Variants in HPSE2 observed in about 807,000 individuals in gnomAD.
HPSE2 encodes heparanase 2 (inactive).
HPSE2 carries 38 observed loss-of-function variants against 60.5 expected under a neutral mutation model. The ratio of observed to expected loss-of-function variants is 0.63; its 90% CI spans 0.48 to 0.82. The LOEUF is 0.82. Among genes scored for constraint, HPSE2 ranks in the 40% least tolerant of loss-of-function variants. The probability of loss-of-function intolerance (pLI) is 0.00; values close to 1 mark genes in which losing one functional copy is unlikely to be tolerated. For missense variants in HPSE2, 713 were observed against 740.4 expected, an observed-to-expected ratio of 0.96 and a Z score of 0.43; for synonymous variants, 295 against 293.2, an observed-to-expected ratio of 1.01 and a Z score of -0.06.
chr10:99,288,806 G>A, the HPSE2 span, among the ~76,000 whole-genome samples: 1 of 147,680 alleles, frequency 6.8e-6, no homozygotes, highest in African/African-American at 2.5e-5. Context: ...TGAGTGAATT[G>A]AGGAAACATA....
At chr10:98,541,323 A>G (rs1055809210) in intron 9 of HPSE2, among the ~76,000 whole-genome samples, 3 of 152,224 alleles carry the variant, frequency 2.0e-5, no homozygotes, top group Admixed American at 2.0e-4. Context: ...CTTAAAAAAA[A>G]ACTCGGGGGA....
intron 6 of HPSE2, among the ~76,000 whole-genome samples, chr10:98,644,723 C>T (rs1437076859): frequency 6.6e-6 from 1 of 152,202 alleles, no homozygotes; most frequent in African/African-American, 2.4e-5. Flanking sequence ...CCTGTTACTT[C>T]CTCTCAATGG....
At chr10:98,818,548 T>C (rs1008039476) in intron 3 of HPSE2, among the ~76,000 whole-genome samples, 2 of 152,146 alleles carry the variant, frequency 1.3e-5, no homozygotes, top group African/African-American at 4.8e-5. Context: ...TACCCCTCTG[T>C]GGCCCAGGTG....
rs953586002 is a variant in HPSE2 at position 98,929,765 on chromosome 10, G to A, written c.611-185709C>T. Among the ~76,000 whole-genome samples the A allele has an allele frequency of 4.2e-5, 6 of 143,994 alleles. 3 individuals carry two copies. Among genetic ancestry groups the A allele is most frequent in the African/African-American group, 1.7e-4 (6 of 35,526 alleles). The allele number at this position is 143,994 out of a possible 152,430, so 94.5% of individuals were successfully genotyped here. ...GAAAAATCAGCCTAAGTTTGTGTTT[G>A]TTTAAAACAAACAGCCCATGAGCTG... On this transcript the variant is annotated intron_variant, in intron 3 of 11. Coordinates refer to ENST00000370552, the MANE Select transcript of HPSE2 (RefSeq NM_021828.5).
chr10:99,009,528 G>A (rs574265688), intron 3 of HPSE2, among the ~76,000 whole-genome samples: 1 of 152,302 alleles, frequency 6.6e-6, no homozygotes, highest in South Asian at 2.1e-4. Flanking sequence ...CCACCATCTG[G>A]AAGTACTGAT....
chr10:99,036,057 A>T (rs563973976), intron 3 of HPSE2, among the ~76,000 whole-genome samples: 40 of 151,612 alleles, frequency 2.6e-4, no homozygotes, highest in South Asian at 6.2e-4. Flanking sequence ...CAAAAAAAAA[A>T]TTTTTTTTTA....
At chr10:98,983,289 T>C (rs980152446) in intron 3 of HPSE2, among the ~76,000 whole-genome samples, 1 of 152,208 alleles carries the variant, frequency 6.6e-6, no homozygotes, top group South Asian at 2.1e-4. Flanking sequence ...TCTAACTAGA[T>C]GGTCCCATCT....
At chr10:99,263,066 C>G in the HPSE2 span, among the ~76,000 whole-genome samples, 1 of 152,130 alleles carries the variant, frequency 6.6e-6, no homozygotes, top group South Asian at 2.1e-4. Context: ...TAAGCTGGCT[C>G]CCACATTATT....
chr10:99,073,989 A>G (rs1472518755), intron 3 of HPSE2, among the ~76,000 whole-genome samples: 1 of 146,860 alleles, frequency 6.8e-6, no homozygotes, highest in Non-Finnish European at 1.5e-5. Flanking sequence ...TACATGTAAG[A>G]TAATGTCATC....
At chr10:99,241,370 A>G in the HPSE2 span, among the ~76,000 whole-genome samples, 1 of 152,230 alleles carries the variant, frequency 6.6e-6, no homozygotes, top group Admixed American at 6.5e-5. Context: ...AATGGTTCTA[A>G]GCCTCAGCTG....
chr10:98,811,304 T>C (rs1190242542), intron 3 of HPSE2, among the ~76,000 whole-genome samples: 2 of 152,164 alleles, frequency 1.3e-5, no homozygotes, highest in Admixed American at 6.6e-5. Flanking sequence ...TTACAGAGTT[T>C]TGTAAAAAGT....
rs1940165843 is a variant in HPSE2 at position 98,459,038 on chromosome 10, A to C, written c.*536T>G. ...CAGCTCTCCCAGCAGGCCAGGGCTGACACACCCATTACTCCCCTATGGAAA... is the reference window on the plus strand; with the variant it reads ...CAGCTCTCCCAGCAGGCCAGGGCTGCCACACCCATTACTCCCCTATGGAAA... On this transcript the variant is annotated 3_prime_UTR_variant, in exon 12 of 12. Coordinates refer to ENST00000370552, the MANE Select transcript of HPSE2 (RefSeq NM_021828.5). 1 of 185,894 alleles carries C rather than the reference A, an allele frequency of 5.4e-6. No individual in the cohort carries two copies. Among genetic ancestry groups the C allele is most frequent in the Non-Finnish European group, 1.1e-5 (1 of 87,690 alleles). 11.5% of individuals were successfully genotyped at this position (185,894 alleles called of 1,614,324 possible). A position where few individuals can be genotyped will look rare whatever the true frequency, so the allele number is the denominator to read the frequency against.
intron 3 of HPSE2, among the ~76,000 whole-genome samples, chr10:98,996,134 T>C (rs1158969160): frequency 2.6e-5 from 4 of 152,166 alleles, no homozygotes; most frequent in African/African-American, 9.6e-5. Flanking sequence ...AATCTACAGA[T>C]TGGTTAATGA....
chr10:99,244,078 C>T, the HPSE2 span, among the ~76,000 whole-genome samples: 1 of 152,098 alleles, frequency 6.6e-6, no homozygotes, highest in African/African-American at 2.4e-5. Flanking sequence ...GACAGAGTCT[C>T]GCTCTGTCAC....
intron 3 of HPSE2, among the ~76,000 whole-genome samples, chr10:99,050,863 G>A (rs1360829952): frequency 1.3e-5 from 2 of 152,160 alleles, no homozygotes; most frequent in African/African-American, 4.8e-5. Context: ...ATAAGGAGAT[G>A]TTAGTCAAAC....
Position 98,516,460 on chromosome 10 carries a change from G to C in HPSE2, c.1321-26264C>G, listed in dbSNP as rs540145025. Among the ~76,000 whole-genome samples the C allele has an allele frequency of 3.8e-3, 572 of 152,292 alleles. 4 individuals carry two copies. Among genetic ancestry groups the C allele is most frequent in the Non-Finnish European group, 6.7e-3 (453 of 68,028 alleles). Reference sequence around the variant, plus strand: ...AACGTTGCCAGAATTAAAAGTGCCTGATGAAATGGGTAAAATGTCAGTATG... The same window carrying C: ...AACGTTGCCAGAATTAAAAGTGCCTCATGAAATGGGTAAAATGTCAGTATG... On this transcript the variant is annotated intron_variant, in intron 9 of 11. Coordinates refer to ENST00000370552, the MANE Select transcript of HPSE2 (RefSeq NM_021828.5).
In HPSE2 at chr10:98,817,034, C is replaced by A. The variant is rs553774318; in HGVS notation, c.611-72978G>T. ...TCTGCTTCCTTGGACTGCTGGCACCCTCAATTGTAAGTCTTCTTGAGCTCC... is the reference window on the plus strand; with the variant it reads ...TCTGCTTCCTTGGACTGCTGGCACCATCAATTGTAAGTCTTCTTGAGCTCC... On this transcript the variant is annotated intron_variant, in intron 3 of 11. Transcript: ENST00000370552. Among the ~76,000 whole-genome samples the A allele has an allele frequency of 2.6e-5, 4 of 152,218 alleles. No homozygotes were observed. In the East Asian group the frequency reaches 7.7e-4, roughly 29 times the overall value.
At chr10:98,938,754 A>C (rs1473129688) in intron 3 of HPSE2, among the ~76,000 whole-genome samples, 1 of 143,396 alleles carries the variant, frequency 7.0e-6, no homozygotes, top group Non-Finnish European at 1.5e-5. Context: ...GATACTCCTC[A>C]AGAAGAGCAA....
intron 3 of HPSE2, among the ~76,000 whole-genome samples, chr10:98,939,390 C>T (rs1954917001): frequency 7.0e-6 from 1 of 143,404 alleles, no homozygotes; most frequent in Non-Finnish European, 1.5e-5. Flanking sequence ...GGAGGAAGAT[C>T]TACCAAGCAA....
Sources: allele counts gnomAD v4.1 joint callset (sites outside exome capture counted in the v4.1 genomes callset), GRCh38; gene constraint gnomAD v4.1.1; transcripts MANE v1.5; gene names NCBI Gene and HGNC (gene_info 2026-07-23, HGNC 2026-07-21).